Variants in LLGL2 observed in about 807,000 individuals in gnomAD.
LLGL2 encodes LLGL scribble cell polarity complex component 2, also known as LLGL2, scribble cell polarity complex component.
In LLGL2, 81 loss-of-function variants were observed where a neutral mutation model predicts 123.2. The observed-to-expected ratio is 0.66, with a 90% CI of 0.55 to 0.79. LLGL2 has a LOEUF of 0.79. Among genes scored for constraint, LLGL2 ranks in the 30% least tolerant of loss-of-function variants. The probability of loss-of-function intolerance (pLI) is 0.00; values close to 1 mark genes in which losing one functional copy is unlikely to be tolerated. For synonymous variants in LLGL2, 577 were observed against 594.1 expected (o/e 0.97, Z 0.42); for missense variants, 1,273 against 1,414.6 (o/e 0.90, Z 1.61).
Position 75,568,660 on chromosome 17 carries a change from C to A in LLGL2, c.1221C>A (p.Ala407=), listed in dbSNP as rs781172937. Reference sequence around the variant, plus strand: ...AGCTGTGGGAGCGGATCATTGCCGCCGGCAGCCGGCAGAACGCACACTTCT... The same window carrying A: ...AGCTGTGGGAGCGGATCATTGCCGCAGGCAGCCGGCAGAACGCACACTTCT... ...PLKLWERIIA[A]GSRQNAHFST... The change falls in exon 11 of 26, where the codon GCC becomes GCA. Residue 407 remains alanine, a synonymous_variant. Coordinates refer to ENST00000392550, the MANE Select transcript of LLGL2 (RefSeq NM_001031803.2). The A allele has an allele frequency of 5.0e-6, 8 of 1,613,788 alleles. No individual in the cohort carries two copies. The African/African-American group carries it at 1.1e-4, about 22-fold the overall frequency.
chr17:75,543,117 T>C (rs948935588), intron 1 of LLGL2: 2 of 244,934 alleles, frequency 8.2e-6, no homozygotes, highest in Non-Finnish European at 1.6e-5. Context: ...CGGCCCTCCT[T>C]GTGCTTATAA....
At chr17:75,563,676 AGG>A in intron 8 of LLGL2, 74 bp from the exon 9 acceptor site, 5 of 1,551,138 alleles carry the variant, frequency 3.2e-6, no homozygotes, top group Non-Finnish European at 4.5e-6. Flanking sequence ...CATGAGCTAG[AGG>A]GATCTGTGCC....
intron 1 of LLGL2, among the ~76,000 whole-genome samples, chr17:75,533,038 C>T (rs189719889): frequency 2.2e-4 from 34 of 152,128 alleles, no homozygotes; most frequent in African/African-American, 7.9e-4. Flanking sequence ...CTTGCTCTGT[C>T]GCCCAGGCTG....
chr17:75,526,994 C>T (rs1181989200), intron 1 of LLGL2, among the ~76,000 whole-genome samples: 2 of 151,892 alleles, frequency 1.3e-5, no homozygotes, highest in Admixed American at 6.6e-5. Context: ...ATAGTGAGAC[C>T]TCGTCTCTGC....
chr17:75,561,417 G>A (rs1480154671), intron 6 of LLGL2, among the ~76,000 whole-genome samples: 6 of 152,158 alleles, frequency 3.9e-5, no homozygotes, highest in Non-Finnish European at 7.3e-5. Context: ...TTGAGGCCAG[G>A]AATTTGAGAC....
intron 10 of LLGL2, among the ~76,000 whole-genome samples, chr17:75,566,722 C>T (rs866808868): frequency 2.0e-5 from 3 of 152,108 alleles, no homozygotes; most frequent in East Asian, 1.9e-4. Flanking sequence ...TCAAGGATGA[C>T]GTGAGGGTTT....
chr17:75,563,705 T>G (rs774400240), intron 8 of LLGL2, 47 bp from the exon 9 acceptor site: 1 of 1,606,312 alleles, frequency 6.2e-7, no homozygotes, highest in East Asian at 2.2e-5. Context: ...GACTGACACT[T>G]GTCTGAGAGT....
rs1269414996 is a variant in LLGL2, at chr17:75,575,103, C to T, written c.*225C>T. 3.3e-6 allele frequency: 2 copies of T among 611,948 alleles called. No homozygotes were observed. The highest frequency in any genetic ancestry group is 1.9e-5 in the South Asian group (1 of 52,654). The allele number at this position is 611,948 out of a possible 1,614,324, so 37.9% of individuals were successfully genotyped here. A position where few individuals can be genotyped will look rare whatever the true frequency, so the allele number is the denominator to read the frequency against. ...TCTGGGTCCTTTGGTCAATGTTGCACAGTTTTTATTGCTCCCATCCCTTTT... is the reference window on the plus strand; with the variant it reads ...TCTGGGTCCTTTGGTCAATGTTGCATAGTTTTTATTGCTCCCATCCCTTTT... On this transcript the variant is annotated 3_prime_UTR_variant, in exon 26 of 26. Coordinates refer to ENST00000392550, the MANE Select transcript of LLGL2 (RefSeq NM_001031803.2).
chr17:75,535,966 C>T (rs1482679986), intron 1 of LLGL2, among the ~76,000 whole-genome samples: 1 of 152,192 alleles, frequency 6.6e-6, no homozygotes, highest in African/African-American at 2.4e-5. Flanking sequence ...CAGGCTGGTT[C>T]CACATGCAAG....
chr17:75,538,220 C>G (rs1240745980), intron 1 of LLGL2, among the ~76,000 whole-genome samples: 1 of 152,176 alleles, frequency 6.6e-6, no homozygotes, highest in Non-Finnish European at 1.5e-5. Context: ...GAGCAGCCAA[C>G]AGGGCCAAGG....
intron 2 of LLGL2, among the ~76,000 whole-genome samples, chr17:75,546,509 G>T (rs2054431616): frequency 6.6e-6 from 1 of 152,182 alleles, no homozygotes; most frequent in Admixed American, 6.6e-5. Context: ...TTCTGTGGTG[G>T]GTGTCATGTG....
rs143945375 is a variant in LLGL2, at chr17:75,573,256, C to T, written c.2703C>T (p.Cys901=). The change falls in exon 20 of 26, where the codon TGC becomes TGT. Residue 901 remains cysteine, a synonymous_variant. Coordinates refer to ENST00000392550, the MANE Select transcript of LLGL2 (RefSeq NM_001031803.2). ...RREDVSGIAS[C]VFTKYGQGFY... ...AGGACGTCAGTGGCATCGCCTCCTG[C>T]GTCTTCACCAAATATGGCCAAGGTG... is the stretch of plus-strand genomic sequence containing the variant. 140 of 1,603,402 alleles carry T rather than the reference C, an allele frequency of 8.7e-5. 4 individuals are homozygous for T. The highest frequency in any genetic ancestry group is 8.7e-4 in the African/African-American group (65 of 74,900).
At position 75,559,457 on chromosome 17, in the gene LLGL2, G is replaced by C; in HGVS notation, c.530+47G>C. On this transcript the variant is annotated intron_variant, in intron 6 of 25. Coordinates refer to ENST00000392550, the MANE Select transcript of LLGL2 (RefSeq NM_001031803.2). This position sits in a 1 kb window ranked among gnomAD's most constrained non-coding sequence, Gnocchi z 4.6. ...TGTTAACTCCATCCCCTCAAGTTAG[G>C]CATGGCTTCTCCCCTTGGTCCCAGG... 3 of 1,550,336 alleles carry C rather than the reference G, an allele frequency of 1.9e-6. No individual in the cohort carries two copies. The highest frequency in any genetic ancestry group is 2.6e-6 in the Non-Finnish European group (3 of 1,149,764).
chr17:75,563,495 C>A, intron 8 of LLGL2, 32 bp downstream of exon 8: 1 of 1,608,424 alleles, frequency 6.2e-7, no homozygotes, highest in South Asian at 1.1e-5. Context: ...CAGGGCCCAC[C>A]CCCAGTGCCT....
intron 2 of LLGL2, among the ~76,000 whole-genome samples, chr17:75,550,807 C>CAA (rs2054638861): frequency 7.0e-6 from 1 of 142,922 alleles, no homozygotes; most frequent in East Asian, 2.1e-4. Context: ...AAAAAAAACA[C>CAA]ACACACACAA....
Position 75,549,847 on chromosome 17 carries a change from G to C in LLGL2, c.76-6199G>C, listed in dbSNP as rs9908730. Among the ~76,000 whole-genome samples the C allele has an allele frequency of 0.32, 48,815 of 152,202 alleles. 8,808 individuals are homozygous for C. The highest frequency in any genetic ancestry group is 0.57 in the South Asian group (2,770 of 4,832). ...TCTGACAGCCAGCCTTTGCCCACTC[G>C]CTCCCCTTCCGGGACCTGGAAAGGA... is the stretch of plus-strand genomic sequence containing the variant. On this transcript the variant is annotated intron_variant, in intron 2 of 25. Transcript: ENST00000392550. This position sits in a 1 kb window ranked among gnomAD's most constrained non-coding sequence, Gnocchi z 4.0.
At position 75,549,688 on chromosome 17, in the gene LLGL2, G is replaced by A. The variant is rs1159325370; in HGVS notation, c.75+6187G>A. Among the ~76,000 whole-genome samples the A allele has an allele frequency of 1.3e-5, 2 of 152,188 alleles. No homozygotes were observed. Among genetic ancestry groups the A allele is most frequent in the East Asian group, 1.9e-4 (1 of 5,190 alleles). The stretch of plus-strand genomic sequence containing the variant: ...GGCAGGAGTGCTCCCCCAAGGTGCT[G>A]GGCAGCCTCTGAGGGCCTGGTGCCC... On this transcript the variant is annotated intron_variant, in intron 2 of 25. Coordinates refer to ENST00000392550, the MANE Select transcript of LLGL2 (RefSeq NM_001031803.2). This position sits in a 1 kb window ranked among gnomAD's most constrained non-coding sequence, Gnocchi z 4.0.
chr17:75,571,127 GCA>G, intron 17 of LLGL2, 27 bp downstream of exon 17: 3 of 1,566,868 alleles, frequency 1.9e-6, no homozygotes, highest in South Asian at 1.1e-5. Flanking sequence ...GGGTTGGGGG[GCA>G]GGGGGTAGTG....
rs547609269 is a variant in LLGL2, at chr17:75,571,183, G to A, written c.2176+83G>A. On this transcript the variant is annotated intron_variant, in intron 17 of 25. Transcript: ENST00000392550. ...ACCTGGGGGCATGCCGGGGGCTGCT[G>A]CCTGCCTGGCTGGTAGGAGCTAAGA... The A allele has an allele frequency of 1.2e-4, 155 of 1,335,012 alleles. No homozygotes were observed. The East Asian group carries it at 3.2e-3, about 28-fold the overall frequency. 82.7% of individuals were successfully genotyped at this position (1,335,012 alleles called of 1,614,324 possible).
Sources: gnomAD v4.1 joint callset for allele counts (sites outside exome capture counted in the v4.1 genomes callset) on GRCh38, gnomAD v4.1.1 for gene constraint, Gnocchi (gnomAD v3.1) non-coding constraint, MANE v1.5 for transcripts, NCBI Gene and HGNC (gene_info 2026-07-23, HGNC 2026-07-21) for gene names.